Variants in TEKT5 observed in about 807,000 individuals in gnomAD.
TEKT5 encodes the protein tektin 5.
TEKT5 carries 52 observed loss-of-function variants against 48.7 expected under a neutral mutation model. That is an observed-to-expected ratio of 1.07 (90% CI 0.86 to 1.35). TEKT5 has a LOEUF of 1.35. TEKT5 is among the 40% of genes most tolerant of loss of function. The pLI is 0.00. For synonymous variants in TEKT5, 318 were observed against 267.6 expected (o/e 1.19, Z -1.84); for missense variants, 831 against 641.6 (o/e 1.30, Z -3.19).
At chr16:10,655,291 G>A (rs567992345) in intron 5 of TEKT5, among the ~76,000 whole-genome samples, 1 of 152,116 alleles carries the variant, frequency 6.6e-6, no homozygotes, top group Non-Finnish European at 1.5e-5. Context: ...AACGGAGGGA[G>A]TGTAGTCCAT....
chr16:10,627,854 A>AT (rs1232131199), intron 6 of TEKT5, 55 bp from the exon 7 acceptor site: 7 of 1,522,156 alleles, frequency 4.6e-6, no homozygotes, highest in Admixed American at 1.9e-5. Flanking sequence ...TTATTTGTTT[A>AT]TTTTTTGAGA....
Position 10,652,269 on chromosome 16 carries a change from G to A in TEKT5, c.1087-16351C>T, listed in dbSNP as rs549332052. Among the ~76,000 whole-genome samples, 14 of 152,140 alleles carry A rather than the reference G, an allele frequency of 9.2e-5. No homozygotes were observed. The East Asian group carries it at 1.9e-3, about 21-fold the overall frequency. ...ACACCCTTCTGGTCACAGAGCAAAGGTGGCATGCCCAGCTCTTCCCACAGT... is the reference window on the plus strand; with the variant it reads ...ACACCCTTCTGGTCACAGAGCAAAGATGGCATGCCCAGCTCTTCCCACAGT... On this transcript the variant is annotated intron_variant, in intron 5 of 6. Transcript: ENST00000283025.
chr16:10,642,116 A>G (rs1898002837), intron 5 of TEKT5, among the ~76,000 whole-genome samples: 1 of 152,238 alleles, frequency 6.6e-6, no homozygotes, highest in Non-Finnish European at 1.5e-5. Flanking sequence ...CTCTTGCAGT[A>G]TGAGTACATG....
At chr16:10,657,330 G>T (rs1462302192) in intron 5 of TEKT5, among the ~76,000 whole-genome samples, 2 of 151,770 alleles carry the variant, frequency 1.3e-5, no homozygotes, top group East Asian at 3.9e-4. Context: ...GTTTCACCAT[G>T]TTGGCCAGGC....
chr16:10,684,938 G>C lies in TEKT5; in HGVS notation c.720-2802C>G, dbSNP rs114619771. On this transcript the variant is annotated intron_variant, in intron 3 of 6. Coordinates refer to ENST00000283025, the MANE Select transcript of TEKT5 (RefSeq NM_144674.2). ...CAGAAAACCATGAGCCAAGAGCCTG[G>C]TGTTGGCCACCTGAGCAGGTCAGTG... Among the ~76,000 whole-genome samples, 1,129 of 152,368 alleles carry C rather than the reference G, an allele frequency of 7.4e-3. 15 individuals carry two copies. Among genetic ancestry groups the C allele is most frequent in the African/African-American group, 0.025 (1,041 of 41,584 alleles).
Position 10,694,526 on chromosome 16 carries a change from C to T in TEKT5, c.348G>A (p.Thr116=), listed in dbSNP as rs375055717. Reference sequence around the variant, plus strand: ...CCTGCAAGAGCCTCATGGAGTCATCCGTCAGCCGGCTGGCCCACAGCCGGG... The same window carrying T: ...CCTGCAAGAGCCTCATGGAGTCATCTGTCAGCCGGCTGGCCCACAGCCGGG... ...EASRLWASRL[T]DDSMRLLQDK... The change falls in exon 1 of 7, where the codon ACG becomes ACA. Residue 116 remains threonine, a synonymous_variant. Transcript: ENST00000283025. 160 of 1,608,084 alleles carry T rather than the reference C, an allele frequency of 9.9e-5. 1 individual carries two copies. The highest frequency in any genetic ancestry group is 1.0e-4 in the Non-Finnish European group (121 of 1,177,000).
At chr16:10,650,484 C>G (rs933046316) in intron 5 of TEKT5, among the ~76,000 whole-genome samples, 26 of 152,130 alleles carry the variant, frequency 1.7e-4, no homozygotes, top group African/African-American at 6.3e-4. Flanking sequence ...ACACCCAAGG[C>G]AAATCTGCCC....
intron 5 of TEKT5, among the ~76,000 whole-genome samples, chr16:10,637,478 G>A (rs992490966): frequency 6.7e-6 from 1 of 148,816 alleles, no homozygotes; most frequent in African/African-American, 2.6e-5. Flanking sequence ...GAGGAAGGGA[G>A]GGAGAAAGGA....
intron 4 of TEKT5, among the ~76,000 whole-genome samples, chr16:10,680,857 TGTG>T (rs1348684449): frequency 1.3e-5 from 1 of 76,564 alleles, no homozygotes; most frequent in African/African-American, 4.9e-5. Flanking sequence ...TGGGGACTGT[TGTG>T]GGGTGGGGGG....
At chr16:10,654,034 A>G (rs1898216345) in intron 5 of TEKT5, among the ~76,000 whole-genome samples, 1 of 144,240 alleles carries the variant, frequency 6.9e-6, no homozygotes, top group Non-Finnish European at 1.5e-5. Flanking sequence ...GTGTGTGCAC[A>G]TGTGTGTGTG....
intron 5 of TEKT5, among the ~76,000 whole-genome samples, chr16:10,652,682 GACACACACAC>G (rs1187367332): frequency 1.2e-3 from 9 of 7,624 alleles, no homozygotes; most frequent in East Asian, 7.2e-3. Context: ...TACACAGGCA[GACACACACAC>G]ACACACACAC....
At chr16:10,688,643 GGT>G (rs1341272546) in intron 3 of TEKT5, among the ~76,000 whole-genome samples, 1 of 152,196 alleles carries the variant, frequency 6.6e-6, no homozygotes, top group Admixed American at 6.5e-5. Flanking sequence ...CGGGGGAGCT[GGT>G]GCCAAGGGCT....
At chr16:10,682,409 C>T (rs1898772936) in intron 3 of TEKT5, among the ~76,000 whole-genome samples, 1 of 152,152 alleles carries the variant, frequency 6.6e-6, no homozygotes, top group Non-Finnish European at 1.5e-5. Context: ...CTCACTGCAG[C>T]CTTGACCTCC....
At chr16:10,675,278 C>T (rs867891096) in intron 5 of TEKT5, among the ~76,000 whole-genome samples, 10 of 152,184 alleles carry the variant, frequency 6.6e-5, no homozygotes, top group African/African-American at 9.7e-5. Flanking sequence ...CATGTTTATA[C>T]GGCTCCTCAT....
At chr16:10,644,713 A>G (rs1898044594) in intron 5 of TEKT5, among the ~76,000 whole-genome samples, 1 of 152,206 alleles carries the variant, frequency 6.6e-6, no homozygotes, top group South Asian at 2.1e-4. Context: ...CTGTTCTCCT[A>G]TCGCCTAGAA....
intron 5 of TEKT5, among the ~76,000 whole-genome samples, chr16:10,654,204 C>T (rs1022551431): frequency 6.6e-6 from 1 of 152,106 alleles, no homozygotes; most frequent in Non-Finnish European, 1.5e-5. Context: ...GCACATGCTA[C>T]CACATCCAGC....
At chr16:10,632,280 T>C (rs1383949882) in intron 6 of TEKT5, among the ~76,000 whole-genome samples, 1 of 152,226 alleles carries the variant, frequency 6.6e-6, no homozygotes, top group African/African-American at 2.4e-5. Flanking sequence ...TTAACTTTAT[T>C]TAATTTTCAT....
intron 5 of TEKT5, among the ~76,000 whole-genome samples, chr16:10,646,534 G>C (rs1898073453): frequency 6.6e-6 from 1 of 152,092 alleles, no homozygotes; most frequent in Non-Finnish European, 1.5e-5. Context: ...AATATGCAAG[G>C]AATGACTGAA....
chr16:10,663,932 G>A (rs1030327578), intron 5 of TEKT5, among the ~76,000 whole-genome samples: 5 of 152,192 alleles, frequency 3.3e-5, no homozygotes, highest in Admixed American at 3.3e-4. Flanking sequence ...AATATGTCAG[G>A]CCAGCACATG....
Sources: allele counts gnomAD v4.1 joint callset (sites outside exome capture counted in the v4.1 genomes callset), GRCh38; gene constraint gnomAD v4.1.1; transcripts MANE v1.5; gene names NCBI Gene and HGNC (gene_info 2026-07-23, HGNC 2026-07-21).